Variants in ROCK2 observed in about 807,000 individuals in gnomAD.
The protein encoded by ROCK2 is Rho associated coiled-coil containing protein kinase 2.
In ROCK2, 61 loss-of-function variants were observed where a neutral mutation model predicts 195.1. That is an observed-to-expected ratio of 0.31 (90% confidence interval 0.25 to 0.39). The LOEUF (loss-of-function observed/expected upper bound fraction) is 0.39, where lower values mean the gene tolerates loss of function less well. Among genes scored for constraint, ROCK2 ranks in the 10% least tolerant of loss-of-function variants. ROCK2 has a pLI of 1.00. For synonymous variants in ROCK2, 504 were observed against 545.5 expected, an observed-to-expected ratio of 0.92 and a Z score of 1.06; for missense variants, 1,109 against 1,637.4, an observed-to-expected ratio of 0.68 and a Z score of 5.57.
Position 11,286,062 on chromosome 2 carries a change from C to T in ROCK2, c.324+477G>A, listed in dbSNP as rs116586518. Among the ~76,000 whole-genome samples, 420 of 150,170 alleles carry T rather than the reference C, an allele frequency of 2.8e-3. 1 individual carries two copies. The highest frequency in any genetic ancestry group is 5.0e-3 in the Non-Finnish European group (336 of 67,588). On this transcript the variant is annotated intron_variant, in intron 3 of 32. Transcript: ENST00000315872. ...TACTCAGGTGATGAAAACAGGAATA[C>T]GAGATTAGGAAGAGTTCCAAAGCCA...
In ROCK2 at chr2:11,197,656, C is replaced by T. The variant is rs761639386; in HGVS notation, c.3149G>A (p.Arg1050His). Reference sequence around the variant, plus strand: ...TCTCCGCACATCTGTGTCATTACCACGCTTGACAGGTTCTTTTCGATTCAT... The same window carrying T: ...TCTCCGCACATCTGTGTCATTACCATGCTTGACAGGTTCTTTTCGATTCAT... ...EIMNRKEPVK[R>H]GNDTDVRRKE... Residue 1050 changes from arginine (R) to histidine (H), a missense_variant, in exon 26 of 33, where the codon CGT (arginine) becomes CAT (histidine). Arg to His is a conservative substitution (Grantham distance 29). This residue lies in a region of ROCK2 where 29 missense variants were observed against 75.0 expected (regional missense o/e 0.39). Coordinates refer to ENST00000315872, the MANE Select transcript of ROCK2 (RefSeq NM_004850.5). This position sits in a 1 kb window ranked among gnomAD's most constrained non-coding sequence, Gnocchi z 4.9. 2.0e-5 allele frequency: 32 copies of T among 1,607,996 alleles called. No individual in the cohort carries two copies. The East Asian group carries it at 2.9e-4, about 15-fold the overall frequency.
chr2:11,287,616 A>G (rs1303732221), intron 2 of ROCK2, 39 bp downstream of exon 2: 2 of 576,092 alleles, frequency 3.5e-6, no homozygotes, highest in Admixed American at 3.4e-5. Flanking sequence ...TATCAAAAGT[A>G]GAGTTATAAG....
chr2:11,296,051 A>AG lies in ROCK2; in HGVS notation c.142-8316_142-8315insC, dbSNP rs1572376083. On this transcript the variant is annotated intron_variant, in intron 1 of 32. Transcript: ENST00000315872. ...GAGAGAGAGAGAGAGAGAGAGAGAG[A>AG]AAACAAAGGGTCTCAAAGCAGAATA... 3.0e-3 allele frequency among the ~76,000 whole-genome samples: 416 copies of AG among 137,372 alleles called. 8 individuals are homozygous for AG. The highest frequency in any genetic ancestry group is 4.7e-3 in the Non-Finnish European group (296 of 62,592). 90.1% of individuals were successfully genotyped at this position (137,372 alleles called of 152,430 possible). A position where few individuals can be genotyped will look rare whatever the true frequency, so the allele number is the denominator to read the frequency against.
Position 11,255,077 on chromosome 2 carries a change from C to T in ROCK2, c.325-5279G>A, listed in dbSNP as rs568584611. On this transcript the variant is annotated intron_variant, in intron 3 of 32. Coordinates refer to ENST00000315872, the MANE Select transcript of ROCK2 (RefSeq NM_004850.5). ...CTAAAAATACAAAAAATTAGCCAGG[C>T]ATGGTGGCGGGCACCTGTAGTCCCA... Among the ~76,000 whole-genome samples the T allele has an allele frequency of 6.1e-3, 899 of 148,162 alleles. 14 individuals carry two copies. The highest frequency in any genetic ancestry group is 0.022 in the African/African-American group (837 of 37,816).
intron 3 of ROCK2, among the ~76,000 whole-genome samples, chr2:11,253,639 G>T (rs1158874567): frequency 6.6e-6 from 1 of 152,220 alleles, no homozygotes; most frequent in Non-Finnish European, 1.5e-5. Context: ...TGCCTATTTT[G>T]TTCTCCATTA....
intron 3 of ROCK2, among the ~76,000 whole-genome samples, chr2:11,272,485 A>T (rs939746519): frequency 6.6e-6 from 1 of 152,164 alleles, no homozygotes; most frequent in Admixed American, 6.5e-5. Context: ...TATATAAAAA[A>T]TTGATGCATT....
At chr2:11,208,063 A>G (rs983214607) in intron 19 of ROCK2, among the ~76,000 whole-genome samples, 153 bp from the exon 20 acceptor site, 2 of 151,312 alleles carry the variant, frequency 1.3e-5, no homozygotes, top group African/African-American at 4.8e-5. Context: ...TATTTCTAAT[A>G]ATATTATAAT....
intron 1 of ROCK2, among the ~76,000 whole-genome samples, chr2:11,291,060 T>C (rs772488802): frequency 1.1e-4 from 17 of 152,224 alleles, no homozygotes; most frequent in Non-Finnish European, 2.5e-4. Flanking sequence ...GTTATCCTAC[T>C]GTATTTTTTA....
At chr2:11,283,582 A>AAAAAACAAGAAAG (rs777307547) in intron 3 of ROCK2, among the ~76,000 whole-genome samples, 2 of 15,164 alleles carry the variant, frequency 1.3e-4, no homozygotes, top group African/African-American at 1.0e-4. Flanking sequence ...AAAAAAAAAA[A>AAAAAACAAGAAAG]AAAGCAAGAA....
At chr2:11,296,126 A>T (rs1667531035) in intron 1 of ROCK2, among the ~76,000 whole-genome samples, 1 of 150,700 alleles carries the variant, frequency 6.6e-6, no homozygotes. Flanking sequence ...ATGGTGGAGG[A>T]ACAACTTTTC....
At position 11,197,297 on chromosome 2, in the gene ROCK2, T is replaced by A; in HGVS notation, c.3331A>T (p.Ser1111Cys). The part of the protein sequence containing the change: ...IRIELQMTLD[S>C]KDSDIEQLRS... ...AGCTGCTCAATGTCACTGTCTTTAC[T>A]GTCCAATGTCATCTGCAGTTCAATT... The change falls in exon 27 of 33, where the codon AGT (serine) becomes TGT (cysteine). Residue 1111 changes from serine (S) to cysteine (C), a missense_variant. Ser to Cys is a moderately radical substitution (Grantham distance 112, BLOSUM62 -1). Transcript: ENST00000315872. This position sits in a 1 kb window ranked among gnomAD's most constrained non-coding sequence, Gnocchi z 4.9. 2 of 1,614,128 alleles carry A rather than the reference T, an allele frequency of 1.2e-6. No homozygotes were observed. The highest frequency in any genetic ancestry group is 1.7e-6 in the Non-Finnish European group (2 of 1,179,958).
intron 2 of ROCK2, among the ~76,000 whole-genome samples, chr2:11,286,989 T>A (rs1667216539): frequency 6.6e-6 from 1 of 152,156 alleles, no homozygotes; most frequent in Admixed American, 6.5e-5. Flanking sequence ...GCCATGAAAT[T>A]ACTTGCAAGG....
At position 11,330,743 on chromosome 2, in the gene ROCK2, AGGAGGGAGGAGGAGGAG is replaced by A. The variant is rs1471859061; in HGVS notation, c.141+13236_141+13252del. On this transcript the variant is annotated intron_variant, in intron 1 of 32. Transcript: ENST00000315872. ...AAGGGAGGAGGGAAGATGAGGAGGG[AGGAGGGAGGAGGAGGAG>A]GGAGGAGGAGGAGGGAGGGAAGAGG... is the stretch of plus-strand genomic sequence containing the variant. Among the ~76,000 whole-genome samples the A allele has an allele frequency of 7.0e-5, 6 of 86,004 alleles. 1 individual carries two copies. 56.4% of individuals were successfully genotyped at this position (86,004 alleles called of 152,430 possible).
chr2:11,278,210 A>G (rs543507597), intron 3 of ROCK2, among the ~76,000 whole-genome samples: 1 of 152,342 alleles, frequency 6.6e-6, no homozygotes, highest in Non-Finnish European at 1.5e-5. Context: ...GAAATGTTGT[A>G]TCCTTTGACA....
intron 1 of ROCK2, among the ~76,000 whole-genome samples, chr2:11,336,295 G>A (rs556200782): frequency 4.6e-5 from 7 of 152,284 alleles, no homozygotes; most frequent in Non-Finnish European, 8.8e-5. Context: ...CTATCACCCA[G>A]GCTAAAGTGC....
intron 17 of ROCK2, 40 bp downstream of exon 17, chr2:11,214,317 C>T: frequency 8.8e-7 from 1 of 1,132,666 alleles, no homozygotes; most frequent in East Asian, 2.4e-5. Flanking sequence ...TGAAAGTCTA[C>T]TGTCAATTTT....
chr2:11,343,505 T>C (rs900411408), intron 1 of ROCK2, among the ~76,000 whole-genome samples: 1 of 152,156 alleles, frequency 6.6e-6, no homozygotes, highest in Admixed American at 6.5e-5. Flanking sequence ...AGCAAAACTT[T>C]AGCTGTGTGT....
intron 3 of ROCK2, among the ~76,000 whole-genome samples, chr2:11,271,067 T>C (rs1024931143): frequency 3.9e-5 from 6 of 152,200 alleles, no homozygotes; most frequent in African/African-American, 1.4e-4. Context: ...TATGCCTCTA[T>C]ACTGTGAACT....
intron 7 of ROCK2, 129 bp from the exon 8 acceptor site, chr2:11,222,303 T>G (rs1209181776): frequency 3.6e-6 from 2 of 560,006 alleles, no homozygotes; most frequent in Non-Finnish European, 3.1e-6. Context: ...AGCTTCAGCT[T>G]AAATGTTTCT....
Sources: allele counts gnomAD v4.1 joint callset (sites outside exome capture counted in the v4.1 genomes callset), GRCh38; gene constraint gnomAD v4.1.1; regional missense constraint gnomAD v4.1.1; non-coding constraint Gnocchi (gnomAD v3.1); transcripts MANE v1.5; gene names NCBI Gene and HGNC (gene_info 2026-07-23, HGNC 2026-07-21).